Variants in MICU3 observed in about 807,000 individuals in gnomAD.
MICU3 encodes the protein mitochondrial calcium uptake 3.
A neutral mutation model predicts 66.5 loss-of-function variants in MICU3; 62 were observed. That is an observed-to-expected ratio of 0.93 (90% CI 0.76 to 1.15). The LOEUF is 1.15. Ranked by LOEUF, MICU3 falls within the 50% of genes most tolerant of loss-of-function variation. The pLI is 0.00. For missense variants in MICU3, 779 were observed against 664.4 expected (o/e 1.17, Z -1.90); for synonymous variants, 308 against 240.7 (o/e 1.28, Z -2.59).
At chr8:17,046,770 A>T (rs928132182) in intron 1 of MICU3, among the ~76,000 whole-genome samples, 1 of 152,156 alleles carries the variant, frequency 6.6e-6, no homozygotes, top group Non-Finnish European at 1.5e-5. Flanking sequence ...TATGTCTGGT[A>T]TAAGCTGATG....
At chr8:17,081,898 G>A (rs1821243803) in intron 5 of MICU3, 158 bp downstream of exon 5, 5 of 486,898 alleles carry the variant, frequency 1.0e-5, no homozygotes, top group Admixed American at 8.1e-5. Context: ...GCATAGCACT[G>A]TAAAGAGTCA....
chr8:17,049,677 T>C, intron 1 of MICU3: 1 of 513,296 alleles, frequency 1.9e-6, no homozygotes, highest in South Asian at 1.4e-5. Context: ...TTGTGTAATG[T>C]GAAAAAACAC....
intron 3 of MICU3, among the ~76,000 whole-genome samples, chr8:17,075,143 G>A (rs1170597760): frequency 6.6e-6 from 1 of 152,182 alleles, no homozygotes; most frequent in Non-Finnish European, 1.5e-5. Context: ...GGTCTGGGAA[G>A]GTCCTGAACA....
intron 1 of MICU3, among the ~76,000 whole-genome samples, chr8:17,052,366 ATCTTC>A (rs1331109905): frequency 6.6e-6 from 1 of 152,030 alleles, no homozygotes; most frequent in Non-Finnish European, 1.5e-5. Context: ...AACATTTCAA[ATCTTC>A]TCTTCTAGCT....
intron 1 of MICU3, among the ~76,000 whole-genome samples, chr8:17,040,394 T>A (rs563257711): frequency 6.6e-6 from 1 of 152,330 alleles, no homozygotes; most frequent in South Asian, 2.1e-4. Context: ...TTCCAAAATC[T>A]TGCTTATACA....
intron 2 of MICU3, 55 bp from the exon 3 acceptor site, chr8:17,069,633 A>G: frequency 3.5e-6 from 4 of 1,128,282 alleles, no homozygotes; most frequent in South Asian, 1.4e-5. Context: ...GCAAATATGG[A>G]TATATATTCC....
intron 3 of MICU3, among the ~76,000 whole-genome samples, chr8:17,074,593 G>A (rs1398172294): frequency 6.8e-4 from 21 of 30,870 alleles, no homozygotes; most frequent in African/African-American, 4.9e-3. Flanking sequence ...GTTAAAACGT[G>A]TGTGTGTGTG....
chr8:17,077,619 C>G (rs1820570234), intron 3 of MICU3, among the ~76,000 whole-genome samples, 164 bp from the exon 4 acceptor site: 2 of 152,108 alleles, frequency 1.3e-5, no homozygotes, highest in South Asian at 4.1e-4. Flanking sequence ...TGGGCAAATA[C>G]TGGGTTGTGT....
At chr8:17,124,062 T>C (rs974427235), downstream of MICU3, among the ~76,000 whole-genome samples, 4 of 152,078 alleles carry the variant, frequency 2.6e-5, no homozygotes, top group Non-Finnish European at 4.4e-5. Context: ...ATAATATGTT[T>C]ATATCAACAT....
intron 1 of MICU3, 26 bp downstream of exon 1, chr8:17,027,686 C>A (rs1282364295): frequency 3.2e-6 from 4 of 1,269,536 alleles, no homozygotes; most frequent in Non-Finnish European, 2.0e-6. Context: ...CGCGTCACAC[C>A]TGCGCGGGGG....
At chr8:17,102,081 C>T (rs1801308303) in intron 9 of MICU3, among the ~76,000 whole-genome samples, 1 of 151,880 alleles carries the variant, frequency 6.6e-6, no homozygotes, top group African/African-American at 2.4e-5. Flanking sequence ...TCAAAGCCAG[C>T]AGTCTGACTT....
chr8:17,104,070 A>G (rs1035259228), intron 9 of MICU3, among the ~76,000 whole-genome samples: 2 of 152,048 alleles, frequency 1.3e-5, no homozygotes, highest in Admixed American at 6.6e-5. Flanking sequence ...TTAGATGATT[A>G]TTAAAGGATT....
At chr8:17,126,934 G>T (rs1274607697), downstream of MICU3, among the ~76,000 whole-genome samples, 2 of 152,120 alleles carry the variant, frequency 1.3e-5, no homozygotes, top group Non-Finnish European at 2.9e-5. Context: ...GTATATTCTG[G>T]TCACATTTAC....
At chr8:17,042,930 G>GTTTTT (rs1563281493) in intron 1 of MICU3, among the ~76,000 whole-genome samples, 12 of 96,722 alleles carry the variant, frequency 1.2e-4, no homozygotes, top group African/African-American at 6.8e-4. Context: ...AATTCAAAGT[G>GTTTTT]ATTTTTTTTT....
intron 14 of MICU3, 30 bp downstream of exon 14, chr8:17,118,805 T>C (rs368422473): frequency 7.2e-7 from 1 of 1,396,440 alleles, no homozygotes; most frequent in African/African-American, 1.4e-5. Flanking sequence ...TCTAAATTTG[T>C]TCAGTAACAA....
intron 9 of MICU3, chr8:17,102,572 C>G (rs1034912076): frequency 6.6e-6 from 1 of 151,940 alleles, no homozygotes; most frequent in African/African-American, 2.4e-5. Flanking sequence ...TTAGAGCAGG[C>G]TGCCTCTTCA....
chr8:17,129,445 G>A, the MICU3 span, among the ~76,000 whole-genome samples: 1 of 152,118 alleles, frequency 6.6e-6, no homozygotes, highest in Non-Finnish European at 1.5e-5. Flanking sequence ...ATTACAGACA[G>A]AACAATGAAA....
intron 1 of MICU3, among the ~76,000 whole-genome samples, chr8:17,052,537 C>CG (rs1816269930): frequency 6.6e-6 from 1 of 152,180 alleles, no homozygotes; most frequent in Non-Finnish European, 1.5e-5. Context: ...AGTCTGGTAA[C>CG]TATCGTTGTA....
chr8:17,070,444 C>T (rs1388101519), intron 3 of MICU3, among the ~76,000 whole-genome samples: 1 of 151,902 alleles, frequency 6.6e-6, no homozygotes, highest in African/African-American at 2.4e-5. Flanking sequence ...ATTTAGGATA[C>T]ATTCATACGT....
Sources: allele counts gnomAD v4.1 joint callset (sites outside exome capture counted in the v4.1 genomes callset), GRCh38; gene constraint gnomAD v4.1.1; transcripts MANE v1.5; gene names NCBI Gene and HGNC (gene_info 2026-07-23, HGNC 2026-07-21).